The following TBC1D8 variants were observed in gnomAD, a reference collection of about 807,000 sequenced individuals.
TBC1D8 encodes the protein BUB2-like protein 1.
TBC1D8 carries 65 observed loss-of-function variants against 118.8 expected under a neutral mutation model. The observed-to-expected ratio is 0.55, with a 90% CI of 0.45 to 0.67. TBC1D8 has a LOEUF of 0.67. Ranked by LOEUF, TBC1D8 falls within the 30% of genes least tolerant of loss-of-function variation. TBC1D8 has a pLI of 0.00. For synonymous variants in TBC1D8, 566 were observed against 595.8 expected (o/e 0.95, Z 0.73); for missense variants, 1,376 against 1,471.2 (o/e 0.94, Z 1.06).
At chr2:101,071,206 G>A (rs1393447145) in intron 2 of TBC1D8, among the ~76,000 whole-genome samples, 1 of 152,048 alleles carries the variant, frequency 6.6e-6, no homozygotes, top group Non-Finnish European at 1.5e-5. Context: ...GCCAGGTGTG[G>A]TGGTGGGCGC....
chr2:101,011,371 A>T, intron 18 of TBC1D8, 80 bp downstream of exon 18: 1 of 1,359,986 alleles, frequency 7.4e-7, no homozygotes. Flanking sequence ...TGCTACAAGA[A>T]GAGGGATGAG....
At chr2:101,060,260 A>G (rs960847307) in intron 2 of TBC1D8, among the ~76,000 whole-genome samples, 10 of 152,210 alleles carry the variant, frequency 6.6e-5, no homozygotes, top group Non-Finnish European at 1.5e-4. Flanking sequence ...AAGTTCTCCC[A>G]TGAAAACAAG....
chr2:101,027,767 C>T (rs534921148), intron 14 of TBC1D8, among the ~76,000 whole-genome samples: 13 of 152,326 alleles, frequency 8.5e-5, no homozygotes, highest in African/African-American at 3.1e-4. Flanking sequence ...CTGCGGGCCC[C>T]CTGTGCTAGG....
At chr2:101,017,635 C>T (rs1186013799) in intron 17 of TBC1D8, among the ~76,000 whole-genome samples, 1 of 152,184 alleles carries the variant, frequency 6.6e-6, no homozygotes, top group Non-Finnish European at 1.5e-5. Context: ...GCAAAGCAGA[C>T]CATGCTGTGC....
At chr2:101,063,406 G>A (rs1177673771) in intron 2 of TBC1D8, among the ~76,000 whole-genome samples, 12 of 152,130 alleles carry the variant, frequency 7.9e-5, no homozygotes, top group Non-Finnish European at 1.8e-4. Flanking sequence ...AACTATCACT[G>A]AGCTATAGTA....
intron 12 of TBC1D8, 60 bp from the exon 13 acceptor site, chr2:101,028,492 C>A: frequency 6.6e-7 from 1 of 1,507,588 alleles, no homozygotes; most frequent in South Asian, 1.3e-5. Context: ...ACAACACGGG[C>A]TGCCTTCACA....
chr2:101,015,732 T>C (rs879982742), intron 17 of TBC1D8, among the ~76,000 whole-genome samples: 14 of 152,056 alleles, frequency 9.2e-5, no homozygotes, highest in Admixed American at 2.6e-4. Context: ...GAGATATAGA[T>C]CAATGGAACA....
At chr2:101,022,554 C>T (rs963229154) in intron 15 of TBC1D8, 33 bp from the exon 16 acceptor site, 25 of 1,576,466 alleles carry the variant, frequency 1.6e-5, no homozygotes, top group South Asian at 4.8e-5. Flanking sequence ...GAGTTCTTAC[C>T]ACTTATTGAA....
At chr2:101,139,911 A>G (rs1679027696) in intron 1 of TBC1D8, among the ~76,000 whole-genome samples, 1 of 152,090 alleles carries the variant, frequency 6.6e-6, no homozygotes, top group African/African-American at 2.4e-5. Context: ...TCACCCCACA[A>G]TCACGACTAC....
At chr2:101,091,916 G>A (rs763059577) in intron 1 of TBC1D8, among the ~76,000 whole-genome samples, 1 of 152,190 alleles carries the variant, frequency 6.6e-6, no homozygotes, top group Non-Finnish European at 1.5e-5. Flanking sequence ...AAGAAAAACT[G>A]AATCACTGGG....
rs772497052 is a variant in TBC1D8 at position 101,008,000 on chromosome 2, T to G, written c.3289A>C (p.Thr1097Pro). 1 of 1,613,982 alleles carries G rather than the reference T, an allele frequency of 6.2e-7. No individual in the cohort carries two copies. Among genetic ancestry groups the G allele is most frequent in the East Asian group, 2.2e-5 (1 of 44,882 alleles). The change falls in exon 20 of 20, where the codon ACT (threonine) becomes CCT (proline). Residue 1097 changes from threonine (T) to proline (P), a missense_variant. Transcript: ENST00000409318. ...AFPEAAERDW[T>P]VSLEHILASL... ...GCTAAAATATGTTCAAGGGAGACAG[T>G]CCAGTCCCTTTCTGCCGCCTCTGGA...
In TBC1D8 at chr2:101,010,016, C is replaced by A. The variant is rs143377131; in HGVS notation, c.3015+913G>T. Among the ~76,000 whole-genome samples the A allele has an allele frequency of 8.2e-3, 1,242 of 151,782 alleles. 18 individuals carry two copies. The highest frequency in any genetic ancestry group is 0.029 in the African/African-American group (1,184 of 41,364). The stretch of plus-strand genomic sequence containing the variant: ...TTTTTTTTTGTATTTTTAGTAGAGA[C>A]GGGGTTTCACCATGTTAGCCAGGAT... On this transcript the variant is annotated intron_variant, in intron 19 of 19. Transcript: ENST00000409318.
chr2:101,129,265 C>T lies in TBC1D8; in HGVS notation c.127+21862G>A, dbSNP rs552682468. 2.6e-5 allele frequency among the ~76,000 whole-genome samples: 4 copies of T among 152,052 alleles called. No individual in the cohort carries two copies. In the East Asian group the frequency reaches 7.8e-4, roughly 30 times the overall value. On this transcript the variant is annotated intron_variant, in intron 1 of 19. Transcript: ENST00000409318. ...AGGAAATTCTCATGCCTCAGCCTCC[C>T]GAGTAGCTGGGACTCCAGGCACACG...
intron 7 of TBC1D8, 63 bp downstream of exon 7, chr2:101,038,398 C>T (rs1193549811): frequency 1.9e-6 from 3 of 1,561,862 alleles, no homozygotes; most frequent in Admixed American, 1.7e-5. Context: ...ATGTGTACTC[C>T]CCTTTGGAGA....
chr2:101,014,327 G>A (rs1056342174), intron 17 of TBC1D8, among the ~76,000 whole-genome samples: 6 of 151,936 alleles, frequency 3.9e-5, no homozygotes, highest in African/African-American at 1.2e-4. Context: ...GCCCATCATC[G>A]AATCAAACAT....
intron 2 of TBC1D8, among the ~76,000 whole-genome samples, chr2:101,072,898 G>C (rs1050865087): frequency 2.6e-5 from 4 of 152,104 alleles, no homozygotes; most frequent in African/African-American, 9.7e-5. Context: ...CTTCCCACTA[G>C]GCCCACCTCC....
At chr2:101,093,376 CAT>C (rs910554164) in intron 1 of TBC1D8, among the ~76,000 whole-genome samples, 7 of 152,138 alleles carry the variant, frequency 4.6e-5, no homozygotes, top group Non-Finnish European at 1.0e-4. Context: ...TACACACACA[CAT>C]ATACATGTAT....
At chr2:101,086,002 C>G (rs1425562521) in intron 2 of TBC1D8, among the ~76,000 whole-genome samples, 1 of 151,898 alleles carries the variant, frequency 6.6e-6, no homozygotes, top group Non-Finnish European at 1.5e-5. Context: ...ATTAGCTGGG[C>G]GTGGTGGCGG....
chr2:101,028,133 T>A lies in TBC1D8; in HGVS notation c.2366A>T (p.Gln789Leu). ...TAGGTGCTCGATCTGCTCCACAGAC[T>A]GGTCTCCAAATTTCTGCAGGGAAAA... is the stretch of plus-strand genomic sequence containing the variant. The part of the protein sequence containing the change: ...IRDSYEKFGD[Q>L]SVEQIEHLRY... Residue 789 changes from glutamine (Q) to leucine (L), a missense_variant, in exon 14 of 20, where the codon CAG becomes CTG. Coordinates refer to ENST00000409318, the MANE Select transcript of TBC1D8 (RefSeq NM_001330348.2). 1.2e-6 allele frequency: 2 copies of A among 1,613,906 alleles called. No homozygotes were observed. Among genetic ancestry groups the A allele is most frequent in the Non-Finnish European group, 1.7e-6 (2 of 1,179,882 alleles).
Sources: gnomAD v4.1 joint callset for allele counts (sites outside exome capture counted in the v4.1 genomes callset) on GRCh38, gnomAD v4.1.1 for gene constraint, MANE v1.5 for transcripts, NCBI Gene and HGNC (gene_info 2026-07-23, HGNC 2026-07-21) for gene names.